Variants in CRYM observed in about 807,000 individuals in gnomAD.
CRYM encodes the protein crystallin mu.
A neutral mutation model predicts 32.9 loss-of-function variants in CRYM; 18 were observed. That is an observed-to-expected ratio of 0.55 (90% CI 0.38 to 0.81). The LOEUF (loss-of-function observed/expected upper bound fraction) is 0.81, where lower values mean the gene tolerates loss of function less well. Among genes scored for constraint, CRYM ranks in the 30% least tolerant of loss-of-function variants. CRYM has a pLI of 0.00. For synonymous variants in CRYM, 153 were observed against 152.4 expected (o/e 1.00, Z -0.03); for missense variants, 337 against 393.5 (o/e 0.86, Z 1.21).
At chr16:21,279,027 A>G (rs1192430296), upstream of CRYM, 1 of 152,266 alleles carries the variant, frequency 6.6e-6, no homozygotes, top group East Asian at 1.9e-4. Flanking sequence ...CTAGTCATCA[A>G]ATCAGTGATA....
chr16:21,295,528 G>C (rs1169861296), intron 1 of CRYM, among the ~76,000 whole-genome samples: 1 of 152,076 alleles, frequency 6.6e-6, no homozygotes, highest in African/African-American at 2.4e-5. Context: ...TTTGGAATAG[G>C]TAGTTCTTTT....
At chr16:21,281,290 T>C (rs934326060), upstream of CRYM, among the ~76,000 whole-genome samples, 3 of 151,786 alleles carry the variant, frequency 2.0e-5, no homozygotes, top group Non-Finnish European at 4.4e-5. Context: ...AGTCCCTCTC[T>C]GTCACCCAGA....
At chr16:21,280,005 G>A (rs1315237380), upstream of CRYM, among the ~76,000 whole-genome samples, 1 of 152,156 alleles carries the variant, frequency 6.6e-6, no homozygotes, top group Non-Finnish European at 1.5e-5. Context: ...GCCCAGAGCC[G>A]CTGGGCTTAT....
upstream of CRYM, among the ~76,000 whole-genome samples, chr16:21,282,943 AATT>A (rs913455047): frequency 5.3e-5 from 8 of 152,170 alleles, no homozygotes; most frequent in South Asian, 8.3e-4. Context: ...AAAATAATGA[AATT>A]ATTATTATAA....
At chr16:21,291,314 A>G (rs558615346) in intron 1 of CRYM, among the ~76,000 whole-genome samples, 23 of 152,284 alleles carry the variant, frequency 1.5e-4, no homozygotes, top group Admixed American at 1.5e-3. Context: ...AAGTATTCCT[A>G]ACTCCATAAA....
intron 4 of CRYM, 98 bp from the exon 5 acceptor site, chr16:21,267,835 C>T: frequency 1.7e-6 from 2 of 1,158,654 alleles, no homozygotes; most frequent in Non-Finnish European, 2.6e-6. Flanking sequence ...ACTACTCTGG[C>T]ATAGGGGTCA....
chr16:21,290,253 A>G (rs958598339), intron 1 of CRYM, among the ~76,000 whole-genome samples: 13 of 152,338 alleles, frequency 8.5e-5, no homozygotes, highest in African/African-American at 3.1e-4. Flanking sequence ...TGTGAACTGT[A>G]ACACTAACCA....
chr16:21,258,648 G>A lies in CRYM; in HGVS notation c.*133C>T, dbSNP rs2093348738. 1.2e-6 allele frequency: 1 copy of A among 804,700 alleles called. No individual in the cohort carries two copies. The highest frequency in any genetic ancestry group is 1.9e-5 in the Admixed American group (1 of 53,394). 49.8% of individuals were successfully genotyped at this position (804,700 alleles called of 1,614,324 possible). ...ACTACAAACATAAATGAGGATCTCA[G>A]CATTTAAGGTAAAACATGATAAGCA... On this transcript the variant is annotated 3_prime_UTR_variant, in exon 8 of 8. Transcript: ENST00000572914.
At chr16:21,293,130 AT>A (rs1278775265) in intron 1 of CRYM, among the ~76,000 whole-genome samples, 6 of 152,248 alleles carry the variant, frequency 3.9e-5, no homozygotes, top group Non-Finnish European at 8.8e-5. Flanking sequence ...TGCCAAAGTA[AT>A]TCAAATGAGA....
intron 6 of CRYM, 60 bp from the exon 7 acceptor site, chr16:21,261,398 T>C (rs1399956090): frequency 9.2e-6 from 12 of 1,305,324 alleles, no homozygotes; most frequent in Admixed American, 8.4e-5. Flanking sequence ...GGGTTGGCTT[T>C]TGAAGCCAGC....
At chr16:21,284,957 A>C (rs57527704) in intron 1 of CRYM, among the ~76,000 whole-genome samples, 2 of 152,154 alleles carry the variant, frequency 1.3e-5, no homozygotes, top group African/African-American at 4.8e-5. Flanking sequence ...CTTTTTAATA[A>C]TTGCCATTCT....
chr16:21,273,443 T>G (rs1268079136), intron 3 of CRYM, among the ~76,000 whole-genome samples: 1 of 152,242 alleles, frequency 6.6e-6, no homozygotes, highest in African/African-American at 2.4e-5. Context: ...TCTTGATTCT[T>G]CTGGGAGCAC....
At chr16:21,299,658 T>C (rs189644580) in intron 1 of CRYM, among the ~76,000 whole-genome samples, 1 of 152,346 alleles carries the variant, frequency 6.6e-6, no homozygotes, top group African/African-American at 2.4e-5. Flanking sequence ...GCAGGTGAAC[T>C]GGCTAATATT....
intron 1 of CRYM, among the ~76,000 whole-genome samples, chr16:21,301,536 A>G (rs1488747006): frequency 6.6e-6 from 1 of 152,124 alleles, no homozygotes; most frequent in African/African-American, 2.4e-5. Context: ...TGGTGAGGCA[A>G]CAGGTGGGGC....
At chr16:21,271,836 A>G (rs552802392) in intron 3 of CRYM, among the ~76,000 whole-genome samples, 1 of 152,168 alleles carries the variant, frequency 6.6e-6, no homozygotes, top group African/African-American at 2.4e-5. Flanking sequence ...TTGCCCTGGT[A>G]ATAGTGTGAT....
intron 1 of CRYM, among the ~76,000 whole-genome samples, chr16:21,289,680 C>G (rs1340248859): frequency 6.6e-6 from 1 of 152,028 alleles, no homozygotes; most frequent in Non-Finnish European, 1.5e-5. Context: ...CAGGTGACAC[C>G]CTCTCTTCTG....
At chr16:21,275,975 T>C (rs1398028128) in intron 2 of CRYM, among the ~76,000 whole-genome samples, 3 of 152,188 alleles carry the variant, frequency 2.0e-5, no homozygotes, top group Non-Finnish European at 2.9e-5. Flanking sequence ...AGGTTGCCAA[T>C]TGACATCTGG....
At chr16:21,259,961 T>C (rs1325019768) in intron 7 of CRYM, among the ~76,000 whole-genome samples, 1 of 152,238 alleles carries the variant, frequency 6.6e-6, no homozygotes, top group Non-Finnish European at 1.5e-5. Flanking sequence ...ACCTCTGATC[T>C]GCCATGACCT....
chr16:21,275,615 G>C (rs543824679), intron 2 of CRYM, 21 bp from the exon 3 acceptor site: 2 of 1,598,058 alleles, frequency 1.3e-6, no homozygotes, highest in African/African-American at 1.3e-5. Context: ...AAGAGAGACA[G>C]TGAGCAAGGG....
Sources: gnomAD v4.1 joint callset for allele counts (sites outside exome capture counted in the v4.1 genomes callset) on GRCh38, gnomAD v4.1.1 for gene constraint, MANE v1.5 for transcripts, NCBI Gene and HGNC (gene_info 2026-07-23, HGNC 2026-07-21) for gene names.